MAF: variants seen among roughly 807,000 people sequenced by gnomAD.
MAF encodes transcription factor Maf.
In MAF, 10 loss-of-function variants were observed where a neutral mutation model predicts 22.0. The ratio of observed to expected loss-of-function variants is 0.45; its 90% CI spans 0.28 to 0.77. The LOEUF is 0.77. Among genes scored for constraint, MAF ranks in the 30% least tolerant of loss-of-function variants. The pLI is 0.12. For missense variants in MAF, 544 were observed against 548.4 expected (o/e 0.99, Z 0.08); for synonymous variants, 337 against 255.8 (o/e 1.32, Z -3.03).
chr16:79,551,666 A>T, the MAF span, among the ~76,000 whole-genome samples: 1 of 152,292 alleles, frequency 6.6e-6, no homozygotes, highest in South Asian at 2.1e-4. Context: ...GGAGCTCAAA[A>T]TTATTTTACA....
the MAF span, among the ~76,000 whole-genome samples, chr16:79,412,516 G>T: frequency 6.6e-6 from 1 of 152,170 alleles, no homozygotes; most frequent in Non-Finnish European, 1.5e-5. Flanking sequence ...TTTGGGCTGG[G>T]TAACTGTTGT....
the MAF span, among the ~76,000 whole-genome samples, chr16:79,399,833 A>C: frequency 6.6e-6 from 1 of 152,168 alleles, no homozygotes; most frequent in Non-Finnish European, 1.5e-5. Context: ...GTGTGCCTGT[A>C]TCCTTACTTA....
At chr16:79,412,549 G>T in the MAF span, among the ~76,000 whole-genome samples, 2 of 152,320 alleles carry the variant, frequency 1.3e-5, no homozygotes, top group Non-Finnish European at 2.9e-5. Flanking sequence ...GTGTATTGCA[G>T]GATATTGAAT....
the MAF span, among the ~76,000 whole-genome samples, chr16:79,545,944 T>G: frequency 9.2e-5 from 14 of 152,292 alleles, no homozygotes; most frequent in South Asian, 2.7e-3. Context: ...ATATTTTAAT[T>G]TGCTTGATTT....
At chr16:79,305,091 T>C in the MAF span, among the ~76,000 whole-genome samples, 2 of 152,158 alleles carry the variant, frequency 1.3e-5, no homozygotes, top group African/African-American at 4.8e-5. Flanking sequence ...ACAGCTAATA[T>C]CCATTTCGGC....
At chr16:79,516,597 T>TGCTA in the MAF span, among the ~76,000 whole-genome samples, 1 of 152,270 alleles carries the variant, frequency 6.6e-6, no homozygotes, top group Non-Finnish European at 1.5e-5. Context: ...GTTTACTCTG[T>TGCTA]GCTAGACACT....
the MAF span, among the ~76,000 whole-genome samples, chr16:79,538,871 A>AAAACAAAGAAAG: frequency 9.6e-6 from 1 of 104,254 alleles, no homozygotes; most frequent in African/African-American, 3.7e-5. Flanking sequence ...AAAAGAAAAG[A>AAAACAAAGAAAG]AAAGAAAGAA....
chr16:79,553,474 G>A, the MAF span, among the ~76,000 whole-genome samples: 3 of 152,322 alleles, frequency 2.0e-5, no homozygotes, highest in Admixed American at 6.5e-5. Context: ...GGCAGACAGC[G>A]TGGAGTCAGT....
chr16:79,502,728 T>C, the MAF span, among the ~76,000 whole-genome samples: 1,420 of 103,294 alleles, frequency 0.014, 92 homozygotes, highest in Non-Finnish European at 0.018. Flanking sequence ...TATATATATA[T>C]ATATATATAT....
chr16:79,331,743 C>T, the MAF span, among the ~76,000 whole-genome samples: 10 of 152,272 alleles, frequency 6.6e-5, no homozygotes, highest in African/African-American at 2.2e-4. Context: ...TCTTCCCTGG[C>T]CTCCTTTCTG....
the MAF span, among the ~76,000 whole-genome samples, chr16:79,559,663 T>C: frequency 7.1e-4 from 108 of 152,282 alleles, no homozygotes; most frequent in Middle Eastern, 0.017. Flanking sequence ...TACATTACTA[T>C]CTGTAATTAA....
the MAF span, among the ~76,000 whole-genome samples, chr16:79,574,033 C>T: frequency 4.6e-5 from 7 of 152,222 alleles, no homozygotes; most frequent in Admixed American, 2.0e-4. Context: ...CTATGTGCTA[C>T]TCACCGATAC....
At chr16:79,495,927 T>G in the MAF span, among the ~76,000 whole-genome samples, 1 of 152,176 alleles carries the variant, frequency 6.6e-6, no homozygotes, top group Admixed American at 6.5e-5. Flanking sequence ...GTGATGGAGA[T>G]AACACACACA....
At chr16:79,450,426 T>C in the MAF span, among the ~76,000 whole-genome samples, 6 of 152,318 alleles carry the variant, frequency 3.9e-5, no homozygotes, top group Admixed American at 6.5e-5. Context: ...AGACAAATTG[T>C]TTCCATTAAG....
At chr16:79,598,627 TTGTG>T (rs1175421779) in intron 1 of MAF, 154 bp downstream of exon 1, 7 of 1,476,868 alleles carry the variant, frequency 4.7e-6, no homozygotes, top group South Asian at 2.5e-5. Flanking sequence ...GCGTGCGGGT[TTGTG>T]TGTGTGTAGG....
chr16:79,517,336 C>T, the MAF span, among the ~76,000 whole-genome samples: 6 of 152,232 alleles, frequency 3.9e-5, no homozygotes, highest in Non-Finnish European at 8.8e-5. Context: ...GACAGACAGA[C>T]ATGCCGATGG....
At chr16:79,391,875 G>GAGGAGGAGGAGGAGA in the MAF span, among the ~76,000 whole-genome samples, 263 of 127,708 alleles carry the variant, frequency 2.1e-3, 3 homozygotes, top group African/African-American at 6.5e-3. Flanking sequence ...GGAGGAGAAG[G>GAGGAGGAGGAGGAGA]AGGAGGAGGA....
chr16:79,464,287 G>A, the MAF span, among the ~76,000 whole-genome samples: 3 of 152,142 alleles, frequency 2.0e-5, no homozygotes, highest in African/African-American at 4.8e-5. Flanking sequence ...TGAAGTGTGC[G>A]TAGATCTGAC....
chr16:79,244,326 C>T, the MAF span, among the ~76,000 whole-genome samples: 2 of 152,056 alleles, frequency 1.3e-5, no homozygotes, highest in Non-Finnish European at 2.9e-5. Context: ...CCCATCATCT[C>T]AGCCCAAAAT....
Sources: gnomAD v4.1 joint callset for allele counts (sites outside exome capture counted in the v4.1 genomes callset) on GRCh38, gnomAD v4.1.1 for gene constraint, MANE v1.5 for transcripts, NCBI Gene and HGNC (gene_info 2026-07-23, HGNC 2026-07-21) for gene names.